Variants in TWSG1 observed in about 807,000 individuals in gnomAD.
The protein encoded by TWSG1 is twisted gastrulation protein homolog 1.
TWSG1 carries 15 observed loss-of-function variants against 23.0 expected under a neutral mutation model. That is an observed-to-expected ratio of 0.65 (90% CI 0.44 to 1.00). The LOEUF (loss-of-function observed/expected upper bound fraction) is 1.00. Among genes scored for constraint, TWSG1 ranks in the 50% least tolerant of loss-of-function variants. TWSG1 has a pLI of 0.00. For missense variants in TWSG1, 242 were observed against 278.7 expected, an observed-to-expected ratio of 0.87 and a Z score of 0.94; for synonymous variants, 86 against 92.8, an observed-to-expected ratio of 0.93 and a Z score of 0.42.
intron 3 of TWSG1, among the ~76,000 whole-genome samples, chr18:9,382,865 G>T (rs1598832643): frequency 6.7e-6 from 1 of 148,802 alleles, no homozygotes; most frequent in African/African-American, 2.5e-5. Flanking sequence ...ATTAAGAGAG[G>T]CTGGGAAAAG....
rs375641351 is a variant in TWSG1 at position 9,396,793 on chromosome 18, G to A, written c.490+247G>A. On this transcript the variant is annotated intron_variant, in intron 4 of 4. Transcript: ENST00000262120. ...AAAGGCATGTCGGCTGGGCGTGGTG[G>A]CTCATGCCTGTAATCCCAGCACTTT... is the stretch of plus-strand genomic sequence containing the variant. 4.2e-5 allele frequency: 24 copies of A among 566,518 alleles called. No individual in the cohort carries two copies. In the East Asian group the frequency reaches 6.0e-4, roughly 14 times the overall value. 35.1% of individuals were successfully genotyped at this position (566,518 alleles called of 1,614,324 possible). A position where few individuals can be genotyped will look rare whatever the true frequency, so the allele number is the denominator to read the frequency against.
In TWSG1 at chr18:9,399,638, A is replaced by G. The variant is rs1204988492; in HGVS notation, c.*111A>G. Reference sequence around the variant, plus strand: ...AGAATCCCAGTAAGTTAAGTTGTAAAGACTTTGGAATAAGTTTCTTTTAAA... The same window carrying G: ...AGAATCCCAGTAAGTTAAGTTGTAAGGACTTTGGAATAAGTTTCTTTTAAA... On this transcript the variant is annotated 3_prime_UTR_variant, in exon 5 of 5. Transcript: ENST00000262120. 5.3e-6 allele frequency: 5 copies of G among 947,080 alleles called. No individual in the cohort carries two copies. The highest frequency in any genetic ancestry group is 6.1e-6 in the Non-Finnish European group (4 of 660,708). 58.7% of individuals were successfully genotyped at this position (947,080 alleles called of 1,614,324 possible). A position where few individuals can be genotyped will look rare whatever the true frequency, so the allele number is the denominator to read the frequency against.
chr18:9,375,771 A>G (rs2040627181), intron 3 of TWSG1, among the ~76,000 whole-genome samples: 1 of 152,210 alleles, frequency 6.6e-6, no homozygotes, highest in African/African-American at 2.4e-5. Flanking sequence ...TATAAATCTA[A>G]CAAAATATGC....
At chr18:9,377,694 G>A (rs1009223308) in intron 3 of TWSG1, among the ~76,000 whole-genome samples, 1 of 152,044 alleles carries the variant, frequency 6.6e-6, no homozygotes, top group Non-Finnish European at 1.5e-5. Context: ...AAATCTAAAT[G>A]ACCTTGGATT....
chr18:9,362,479 A>AT (rs1402077931), intron 3 of TWSG1, among the ~76,000 whole-genome samples: 1 of 152,256 alleles, frequency 6.6e-6, no homozygotes, highest in Non-Finnish European at 1.5e-5. Context: ...AAGTGCTGGG[A>AT]TTACAGGCGT....
At chr18:9,375,479 T>C (rs2040625912) in intron 3 of TWSG1, among the ~76,000 whole-genome samples, 1 of 152,138 alleles carries the variant, frequency 6.6e-6, no homozygotes. Context: ...ATACTGGAAG[T>C]TCTAGCTAAC....
At chr18:9,356,713 A>T (rs2040528537) in intron 2 of TWSG1, among the ~76,000 whole-genome samples, 1 of 152,202 alleles carries the variant, frequency 6.6e-6, no homozygotes, top group Non-Finnish European at 1.5e-5. Context: ...CTGAGCATTG[A>T]CATGACATCA....
chr18:9,381,172 A>C (rs16955021), intron 3 of TWSG1, among the ~76,000 whole-genome samples: 6,348 of 152,300 alleles, frequency 0.042, 441 homozygotes, highest in African/African-American at 0.15. Context: ...AATGAGGTCT[A>C]TTTGATCAGA....
intron 3 of TWSG1, among the ~76,000 whole-genome samples, chr18:9,364,237 C>G (rs899120026): frequency 1.3e-5 from 2 of 152,062 alleles, no homozygotes; most frequent in African/African-American, 4.8e-5. Flanking sequence ...GTTAGTTGGT[C>G]TTTTCTATTT....
intron 3 of TWSG1, among the ~76,000 whole-genome samples, chr18:9,378,553 C>T (rs1015971031): frequency 2.0e-5 from 3 of 152,116 alleles, no homozygotes; most frequent in African/African-American, 7.2e-5. Context: ...AGGAATATAC[C>T]TAACCAGTGA....
intron 2 of TWSG1, among the ~76,000 whole-genome samples, chr18:9,357,263 T>C (rs894194207): frequency 6.6e-6 from 1 of 152,184 alleles, no homozygotes; most frequent in South Asian, 2.1e-4. Context: ...TGTACAAAAT[T>C]CTGCAGTACC....
intron 3 of TWSG1, among the ~76,000 whole-genome samples, chr18:9,392,113 T>G (rs1160250564): frequency 6.6e-6 from 1 of 152,192 alleles, no homozygotes; most frequent in Non-Finnish European, 1.5e-5. Flanking sequence ...AGTTACTAGC[T>G]GCATTAGACC....
At chr18:9,335,853 C>A (rs2040420399) in intron 1 of TWSG1, among the ~76,000 whole-genome samples, 1 of 152,122 alleles carries the variant, frequency 6.6e-6, no homozygotes, top group Admixed American at 6.5e-5. Context: ...TTAGAGTAAT[C>A]ATAAATGCCC....
At chr18:9,363,327 C>CTT (rs367828859) in intron 3 of TWSG1, among the ~76,000 whole-genome samples, 18,344 of 150,946 alleles carry the variant, frequency 0.12, 1,314 homozygotes, top group Middle Eastern at 0.26. Context: ...GCTCTTTTTT[C>CTT]TTTTTTTTTA....
At chr18:9,362,454 C>T (rs991448001) in intron 3 of TWSG1, among the ~76,000 whole-genome samples, 16 of 152,152 alleles carry the variant, frequency 1.1e-4, no homozygotes, top group African/African-American at 3.1e-4. Flanking sequence ...GTGATCCACC[C>T]GCCTCAGCCT....
At chr18:9,342,340 C>G (rs550950130) in intron 2 of TWSG1, among the ~76,000 whole-genome samples, 1 of 152,284 alleles carries the variant, frequency 6.6e-6, no homozygotes, top group South Asian at 2.1e-4. Flanking sequence ...ATGCCTGGCA[C>G]GTGAGTGCAC....
intron 3 of TWSG1, 79 bp downstream of exon 3, chr18:9,360,150 AT>A: frequency 9.1e-7 from 1 of 1,095,652 alleles, no homozygotes; most frequent in Non-Finnish European, 1.4e-6. Flanking sequence ...AGGAATATAA[AT>A]GTAGTTTATG....
At chr18:9,386,263 C>T (rs1247092641) in intron 3 of TWSG1, among the ~76,000 whole-genome samples, 4 of 151,662 alleles carry the variant, frequency 2.6e-5, no homozygotes, top group Admixed American at 6.6e-5. Context: ...AGTTCAAGAC[C>T]AGCCTGGCTA....
chr18:9,369,912 GTC>G (rs2040596793), intron 3 of TWSG1, among the ~76,000 whole-genome samples: 1 of 152,132 alleles, frequency 6.6e-6, no homozygotes, highest in Non-Finnish European at 1.5e-5. Flanking sequence ...TCTGTAGATT[GTC>G]TCTTCACTAT....
Sources: gnomAD v4.1 joint callset for allele counts (sites outside exome capture counted in the v4.1 genomes callset) on GRCh38, gnomAD v4.1.1 for gene constraint, MANE v1.5 for transcripts, NCBI Gene and HGNC (gene_info 2026-07-23, HGNC 2026-07-21) for gene names.